The following TTC27 variants were observed in gnomAD, a reference collection of about 807,000 sequenced individuals.
TTC27 encodes the protein tetratricopeptide repeat protein 27.
Under a neutral mutation model 115.9 loss-of-function variants are expected in TTC27, and 79 were observed. That is an observed-to-expected ratio of 0.68 (90% CI 0.57 to 0.82). The LOEUF is 0.82. TTC27 is among the 40% of genes least tolerant of loss of function. TTC27 has a pLI of 0.00. For synonymous variants in TTC27, 401 were observed against 356.0 expected, an observed-to-expected ratio of 1.13 and a Z score of -1.42; for missense variants, 1,054 against 993.1, an observed-to-expected ratio of 1.06 and a Z score of -0.82.
chr2:32,741,905 C>T (rs919035091), intron 12 of TTC27, among the ~76,000 whole-genome samples: 1 of 152,148 alleles, frequency 6.6e-6, no homozygotes, highest in Non-Finnish European at 1.5e-5. Flanking sequence ...GAGATTCCCC[C>T]ACTCCCATTT....
chr2:32,805,573 A>T (rs1450515356), intron 16 of TTC27, among the ~76,000 whole-genome samples: 2 of 152,212 alleles, frequency 1.3e-5, no homozygotes, highest in Non-Finnish European at 2.9e-5. Flanking sequence ...CTCACAGCAG[A>T]AGTAGTAGGG....
rs1343096917 is a variant in TTC27 at position 32,650,289 on chromosome 2, C to G, written c.640+56C>G. On this transcript the variant is annotated intron_variant, in intron 5 of 19. Coordinates refer to ENST00000317907, the MANE Select transcript of TTC27 (RefSeq NM_017735.5). The stretch of plus-strand genomic sequence containing the variant: ...ATGTAGCTCAGTTCTAATTACTTGG[C>G]TGAGATACTCCTTTTTAGTTTATTT... 3.9e-6 allele frequency: 5 copies of G among 1,277,714 alleles called. No homozygotes were observed. In the East Asian group the frequency reaches 7.3e-5, roughly 19 times the overall value. 79.1% of individuals were successfully genotyped at this position (1,277,714 alleles called of 1,614,324 possible).
intron 16 of TTC27, among the ~76,000 whole-genome samples, chr2:32,793,301 C>T (rs1221173450): frequency 1.3e-5 from 2 of 152,082 alleles, no homozygotes; most frequent in Non-Finnish European, 1.5e-5. Flanking sequence ...TCTGGCAAAA[C>T]TGCCTTTCAA....
chr2:32,744,640 C>T (rs1668755340), intron 12 of TTC27, among the ~76,000 whole-genome samples: 1 of 152,306 alleles, frequency 6.6e-6, no homozygotes, highest in East Asian at 1.9e-4. Flanking sequence ...CTTCTTTCAA[C>T]CTCTCTGAGG....
intron 3 of TTC27, among the ~76,000 whole-genome samples, chr2:32,635,071 G>C (rs1664366213): frequency 6.6e-6 from 1 of 152,080 alleles, no homozygotes; most frequent in African/African-American, 2.4e-5. Context: ...ATTGCTTCAT[G>C]GTGATTATTA....
chr2:32,751,609 G>C (rs764121270), intron 12 of TTC27, among the ~76,000 whole-genome samples: 1 of 152,250 alleles, frequency 6.6e-6, no homozygotes, highest in African/African-American at 2.4e-5. Context: ...ACCACTCATC[G>C]TGATGATGTT....
intron 10 of TTC27, among the ~76,000 whole-genome samples, chr2:32,717,620 G>C (rs1319147026): frequency 6.6e-6 from 1 of 151,778 alleles, no homozygotes; most frequent in Non-Finnish European, 1.5e-5. Context: ...TTGTGTCTTT[G>C]TGAAAAGTAT....
At chr2:32,736,468 C>G (rs1245055729) in intron 11 of TTC27, among the ~76,000 whole-genome samples, 1 of 151,972 alleles carries the variant, frequency 6.6e-6, no homozygotes, top group Admixed American at 6.6e-5. Context: ...GCATTTTCAA[C>G]AAAAAAATTG....
chr2:32,729,329 G>T (rs1668214353), intron 10 of TTC27, among the ~76,000 whole-genome samples: 1 of 152,046 alleles, frequency 6.6e-6, no homozygotes, highest in East Asian at 1.9e-4. Flanking sequence ...ATGTAGTTTT[G>T]ATCTTCTCTA....
intron 3 of TTC27, among the ~76,000 whole-genome samples, chr2:32,639,654 A>C (rs1664565212): frequency 6.6e-6 from 1 of 152,244 alleles, no homozygotes; most frequent in Non-Finnish European, 1.5e-5. Flanking sequence ...AAGTGAATTT[A>C]TGAAGTGATG....
At chr2:32,661,609 A>G (rs1274161249) in intron 5 of TTC27, among the ~76,000 whole-genome samples, 2 of 152,118 alleles carry the variant, frequency 1.3e-5, no homozygotes, top group Admixed American at 1.3e-4. Flanking sequence ...ATTTTTGTAG[A>G]TTGATTTTGT....
rs201971249 is a variant in TTC27, at chr2:32,777,505, G to GA, written c.1681-370dup. On this transcript the variant is annotated intron_variant, in intron 13 of 19. Coordinates refer to ENST00000317907, the MANE Select transcript of TTC27 (RefSeq NM_017735.5). Reference sequence around the variant, plus strand: ...TGTATTGTTTAGGGAATAATGACAAGAAAAAAATGTTTGTACATGTTCAGT... The same window carrying GA: ...TGTATTGTTTAGGGAATAATGACAAGAAAAAAAATGTTTGTACATGTTCAGT... Among the ~76,000 whole-genome samples the GA allele has an allele frequency of 3.9e-3, 591 of 152,126 alleles. 7 individuals carry two copies. Among genetic ancestry groups the GA allele is most frequent in the African/African-American group, 0.014 (569 of 41,554 alleles).
rs534894046 is a variant in TTC27, at chr2:32,706,884, G to C, written c.1233+3964G>C. On this transcript the variant is annotated intron_variant, in intron 10 of 19. Transcript: ENST00000317907. The stretch of plus-strand genomic sequence containing the variant: ...GGCCCCCTTCTTTATTTTAGTAATA[G>C]AACCTCCTGAATTTTATCCAGGCAC... Among the ~76,000 whole-genome samples, 8 of 152,278 alleles carry C rather than the reference G, an allele frequency of 5.3e-5. No homozygotes were observed. In the South Asian group the frequency reaches 1.5e-3, roughly 28 times the overall value.
intron 12 of TTC27, among the ~76,000 whole-genome samples, chr2:32,749,816 C>T (rs1172488269): frequency 6.6e-6 from 1 of 151,952 alleles, no homozygotes; most frequent in African/African-American, 2.4e-5. Flanking sequence ...GTAGGGATTA[C>T]ATGAGATCAT....
intron 13 of TTC27, among the ~76,000 whole-genome samples, chr2:32,766,906 C>T (rs1669647006): frequency 6.6e-6 from 1 of 152,148 alleles, no homozygotes; most frequent in South Asian, 2.1e-4. Context: ...CTGCGTCAGC[C>T]ACCTGAGAAG....
intron 4 of TTC27, among the ~76,000 whole-genome samples, chr2:32,643,736 C>G (rs1664741755): frequency 6.6e-6 from 1 of 151,948 alleles, no homozygotes; most frequent in Non-Finnish European, 1.5e-5. Flanking sequence ...TTTTCTTCAT[C>G]AAGAATATTA....
intron 12 of TTC27, among the ~76,000 whole-genome samples, chr2:32,754,852 G>T (rs1490410949): frequency 2.0e-5 from 3 of 150,128 alleles, no homozygotes; most frequent in Non-Finnish European, 4.5e-5. Context: ...CTCCCGGACG[G>T]GGCGGCTGGC....
intron 3 of TTC27, among the ~76,000 whole-genome samples, chr2:32,638,576 A>C (rs1255933215): frequency 6.6e-6 from 1 of 151,880 alleles, no homozygotes; most frequent in Non-Finnish European, 1.5e-5. Context: ...ATGGGGTTTC[A>C]CCATGTTGGC....
intron 16 of TTC27, among the ~76,000 whole-genome samples, chr2:32,796,878 G>A: frequency 6.6e-6 from 1 of 151,620 alleles, no homozygotes; most frequent in East Asian, 1.9e-4. Context: ...CTTTTTTTAA[G>A]AGACAGTGTC....
Sources: allele counts gnomAD v4.1 joint callset (sites outside exome capture counted in the v4.1 genomes callset), GRCh38; gene constraint gnomAD v4.1.1; transcripts MANE v1.5; gene names NCBI Gene and HGNC (gene_info 2026-07-23, HGNC 2026-07-21).